KCNIP3: variants seen among roughly 807,000 people sequenced by gnomAD.
KCNIP3 encodes the protein calsenilin.
In KCNIP3, 28 loss-of-function variants were observed where a neutral mutation model predicts 35.0. The ratio of observed to expected loss-of-function variants is 0.80; its 90% CI spans 0.59 to 1.10. KCNIP3 has a LOEUF of 1.10. Ranked by LOEUF, KCNIP3 falls within the 50% of genes least tolerant of loss-of-function variation. The probability of loss-of-function intolerance (pLI) is 0.00; values close to 1 mark genes in which losing one functional copy is unlikely to be tolerated. For missense variants in KCNIP3, 295 were observed against 338.4 expected, an observed-to-expected ratio of 0.87 and a Z score of 1.01; for synonymous variants, 134 against 133.8, an observed-to-expected ratio of 1.00 and a Z score of -0.01.
chr2:95,374,964 G>C (rs1426507769), intron 4 of KCNIP3, 47 bp downstream of exon 4: 2 of 1,581,576 alleles, frequency 1.3e-6, no homozygotes. Flanking sequence ...TGTGGAGGGA[G>C]GGGACCCTCC....
At chr2:95,383,134 C>G in intron 7 of KCNIP3, 98 bp from the exon 8 acceptor site, 1 of 729,236 alleles carries the variant, frequency 1.4e-6, no homozygotes, top group Non-Finnish European at 2.4e-6. Context: ...TCCACCCACC[C>G]GCCCATCCAC....
In KCNIP3 at chr2:95,383,301, G is replaced by A. The variant is rs1455090355; in HGVS notation, c.723+7G>A. 97 of 1,613,066 alleles carry A rather than the reference G, an allele frequency of 6.0e-5. 1 individual carries two copies. Among genetic ancestry groups the A allele is most frequent in the Non-Finnish European group, 8.0e-5 (94 of 1,179,614 alleles). On this transcript the variant is annotated splice_region_variant and intron_variant, in intron 8 of 8. Transcript: ENST00000295225. ...CCTGGAGGCCTGTCAGAAGGTAGGTGGCACGGGAGGCTGGGCCACAGTTCT... is the reference window on the plus strand; with the variant it reads ...CCTGGAGGCCTGTCAGAAGGTAGGTAGCACGGGAGGCTGGGCCACAGTTCT...
intron 1 of KCNIP3, among the ~76,000 whole-genome samples, chr2:95,303,666 T>C: frequency 6.6e-6 from 1 of 152,162 alleles, no homozygotes; most frequent in Admixed American, 6.5e-5. Flanking sequence ...CAATCTGATC[T>C]GCACATTCCA....
In KCNIP3 at chr2:95,378,897, C is replaced by T. The variant is rs1452436265; in HGVS notation, c.448-2699C>T. Among the ~76,000 whole-genome samples the T allele has an allele frequency of 1.3e-5, 2 of 149,080 alleles. No homozygotes were observed. The highest frequency in any genetic ancestry group is 4.9e-5 in the African/African-American group (2 of 40,618). On this transcript the variant is annotated intron_variant, in intron 5 of 8. Coordinates refer to ENST00000295225, the MANE Select transcript of KCNIP3 (RefSeq NM_013434.5). This position sits in a 1 kb window ranked among gnomAD's most constrained non-coding sequence, Gnocchi z 4.0. ...ACACACATATATATACACACACACA[C>T]ATATATATATATATATTCATTGTCT...
intron 2 of KCNIP3, among the ~76,000 whole-genome samples, chr2:95,349,375 C>G (rs950890340): frequency 7.9e-5 from 12 of 152,208 alleles, no homozygotes; most frequent in Admixed American, 7.2e-4. Context: ...TGGTTCTCAT[C>G]TGTAATAGAC....
At chr2:95,331,582 C>T (rs1342116146) in intron 2 of KCNIP3, among the ~76,000 whole-genome samples, 2 of 152,186 alleles carry the variant, frequency 1.3e-5, no homozygotes, top group African/African-American at 4.8e-5. Context: ...CTAAAGGCCT[C>T]CTTGCTCCCG....
At chr2:95,328,083 G>A (rs1231991087) in intron 2 of KCNIP3, among the ~76,000 whole-genome samples, 2 of 152,216 alleles carry the variant, frequency 1.3e-5, no homozygotes, top group African/African-American at 2.4e-5. Flanking sequence ...GCAAGGGCCC[G>A]TGTGCAGTTT....
At chr2:95,379,094 C>A (rs1680274872) in intron 5 of KCNIP3, among the ~76,000 whole-genome samples, 1 of 151,926 alleles carries the variant, frequency 6.6e-6, no homozygotes, top group Non-Finnish European at 1.5e-5. Flanking sequence ...GAATTTGGGA[C>A]TCCCTCAGAC....
intron 2 of KCNIP3, among the ~76,000 whole-genome samples, chr2:95,332,169 C>A (rs1678947418): frequency 6.6e-6 from 1 of 152,240 alleles, no homozygotes; most frequent in Non-Finnish European, 1.5e-5. Context: ...AGGCAAAAGG[C>A]CGGTCCTCCT....
chr2:95,353,906 A>G (rs1679588990), intron 2 of KCNIP3, among the ~76,000 whole-genome samples: 1 of 152,180 alleles, frequency 6.6e-6, no homozygotes, highest in African/African-American at 2.4e-5. Flanking sequence ...GGGAGGTGCT[A>G]CTGGCATCTG....
At chr2:95,318,843 T>A (rs1450262681) in intron 2 of KCNIP3, among the ~76,000 whole-genome samples, 2 of 152,102 alleles carry the variant, frequency 1.3e-5, no homozygotes. Context: ...CAAAGAGAGA[T>A]AAAATGATGT....
Position 95,382,441 on chromosome 2 carries a change from G to A in KCNIP3, c.620G>A (p.Arg207Gln), listed in dbSNP as rs766872874. 12 of 1,609,086 alleles carry A rather than the reference G, an allele frequency of 7.5e-6. No homozygotes were observed. Among genetic ancestry groups the A allele is most frequent in the Middle Eastern group, 1.6e-4 (1 of 6,062 alleles). The change falls in exon 7 of 9, where the codon CGG becomes CAG. Residue 207 changes from arginine (R) to glutamine (Q), a missense_variant. Physicochemically the swap from Arg to Gln is conservative, Grantham distance 43 (BLOSUM62 1). Coordinates refer to ENST00000295225, the MANE Select transcript of KCNIP3 (RefSeq NM_013434.5). The surrounding 1 kb of genome is among the most constrained non-coding windows in gnomAD (Gnocchi z 4.5). ...GGCCGCCACACCTACCCCATCCTGCGGGAGGACGCGCCGGCGGAGCACGTG... is the reference window on the plus strand; with the variant it reads ...GGCCGCCACACCTACCCCATCCTGCAGGAGGACGCGCCGGCGGAGCACGTG... ...MMGRHTYPIL[R>Q]EDAPAEHVER...
intron 1 of KCNIP3, chr2:95,298,594 C>T (rs533041666): frequency 6.6e-6 from 1 of 152,260 alleles, no homozygotes; most frequent in South Asian, 2.1e-4. Context: ...TCTGTGAGGA[C>T]AAGCATCCAA....
At chr2:95,361,790 C>G (rs1204257905) in intron 2 of KCNIP3, among the ~76,000 whole-genome samples, 2 of 152,194 alleles carry the variant, frequency 1.3e-5, no homozygotes, top group Non-Finnish European at 2.9e-5. Context: ...AGGCACTGTT[C>G]CAGGGCTGGG....
At chr2:95,297,687 C>T (rs1648654982) in intron 1 of KCNIP3, among the ~76,000 whole-genome samples, 1 of 151,960 alleles carries the variant, frequency 6.6e-6, no homozygotes, top group Non-Finnish European at 1.5e-5. Context: ...TTGGGGTGTC[C>T]TGGCTGGGAG....
chr2:95,368,463 C>A, intron 2 of KCNIP3: 1 of 183,600 alleles, frequency 5.4e-6, no homozygotes, highest in Non-Finnish European at 1.2e-5. Context: ...CACAATCTCA[C>A]AAATCACCAC....
chr2:95,325,508 T>C (rs1678714521), intron 2 of KCNIP3, among the ~76,000 whole-genome samples: 1 of 151,848 alleles, frequency 6.6e-6, no homozygotes, highest in Admixed American at 6.6e-5. Context: ...GCAGCCATTG[T>C]CCCCTACCCC....
rs1330237962 is a variant in KCNIP3 at position 95,347,213 on chromosome 2, G to A, written c.182-27083G>A. 3.4e-6 allele frequency: 4 copies of A among 1,178,150 alleles called. No homozygotes were observed. In the African/African-American group the frequency reaches 6.1e-5, roughly 18 times the overall value. 73.0% of individuals were successfully genotyped at this position (1,178,150 alleles called of 1,614,324 possible). On this transcript the variant is annotated intron_variant, in intron 2 of 8. Transcript: ENST00000295225. ...AGTACCCGCACGCCGGGGTGCACTG[G>A]TCTGGCGAGGAGCGGCCTGGGCCGC... is the stretch of plus-strand genomic sequence containing the variant.
At chr2:95,322,153 C>G (rs1024201468) in intron 2 of KCNIP3, among the ~76,000 whole-genome samples, 6 of 152,170 alleles carry the variant, frequency 3.9e-5, no homozygotes, top group African/African-American at 1.4e-4. Flanking sequence ...TTGCTTGAGC[C>G]CAGGAGTTCG....
Sources: gnomAD v4.1 joint callset for allele counts (sites outside exome capture counted in the v4.1 genomes callset) on GRCh38, gnomAD v4.1.1 for gene constraint, Gnocchi (gnomAD v3.1) non-coding constraint, MANE v1.5 for transcripts, NCBI Gene and HGNC (gene_info 2026-07-23, HGNC 2026-07-21) for gene names.